OSBPL8: variants seen among roughly 807,000 people sequenced by gnomAD.
The protein encoded by OSBPL8 is oxysterol binding protein like 8.
A neutral mutation model predicts 125.5 loss-of-function variants in OSBPL8; 59 were observed. The ratio of observed to expected loss-of-function variants is 0.47; its 90% confidence interval spans 0.38 to 0.58. OSBPL8 has a LOEUF of 0.58. OSBPL8 is among the 20% of genes least tolerant of loss of function. OSBPL8 has a pLI of 0.00. For synonymous variants in OSBPL8, 330 were observed against 338.9 expected, an observed-to-expected ratio of 0.97 and a Z score of 0.29; for missense variants, 758 against 1,047.8, an observed-to-expected ratio of 0.72 and a Z score of 3.82.
At chr12:76,405,237 T>C (rs554825129) in intron 5 of OSBPL8, among the ~76,000 whole-genome samples, 8 of 152,182 alleles carry the variant, frequency 5.3e-5, no homozygotes, top group South Asian at 2.1e-4. Context: ...GGCGGGAGGA[T>C]TGCTTGAGCC....
intron 4 of OSBPL8, among the ~76,000 whole-genome samples, chr12:76,428,695 A>T (rs1445278136): frequency 6.6e-6 from 1 of 152,142 alleles, no homozygotes; most frequent in Admixed American, 6.6e-5. Flanking sequence ...GTCCAGACAC[A>T]TAGAGAACCA....
At chr12:76,394,442 G>C (rs114525161) in intron 9 of OSBPL8, among the ~76,000 whole-genome samples, 13 of 152,280 alleles carry the variant, frequency 8.5e-5, no homozygotes, top group African/African-American at 3.1e-4. Context: ...TAACTCTTCA[G>C]TAAATCACAC....
At chr12:76,410,541 T>C (rs375056893) in intron 5 of OSBPL8, 23 bp downstream of exon 5, 2 of 1,499,970 alleles carry the variant, frequency 1.3e-6, no homozygotes, top group African/African-American at 1.4e-5. Context: ...GTCATAATCA[T>C]GTATTTGCTT....
chr12:76,360,728 T>G (rs1454522730), intron 21 of OSBPL8, among the ~76,000 whole-genome samples: 1 of 152,236 alleles, frequency 6.6e-6, no homozygotes, highest in Non-Finnish European at 1.5e-5. Flanking sequence ...TCTTGACTTC[T>G]GTGCACCACA....
chr12:76,508,803 G>A (rs1419896906), intron 1 of OSBPL8, among the ~76,000 whole-genome samples: 1 of 152,096 alleles, frequency 6.6e-6, no homozygotes, highest in Non-Finnish European at 1.5e-5. Context: ...ACCCTATATG[G>A]TCCAAAAAGG....
chr12:76,534,918 T>C (rs772625759), intron 1 of OSBPL8, among the ~76,000 whole-genome samples: 5 of 152,002 alleles, frequency 3.3e-5, no homozygotes, highest in African/African-American at 4.8e-5. Flanking sequence ...ATACTTTCAG[T>C]AAAAACTGGA....
At chr12:76,517,649 A>G (rs937523815) in intron 1 of OSBPL8, among the ~76,000 whole-genome samples, 2 of 152,216 alleles carry the variant, frequency 1.3e-5, no homozygotes, top group African/African-American at 4.8e-5. Context: ...GGTAATTTAT[A>G]AAGAAAAAAG....
At chr12:76,400,532 G>A (rs1009308598) in intron 6 of OSBPL8, among the ~76,000 whole-genome samples, 4 of 152,096 alleles carry the variant, frequency 2.6e-5, no homozygotes, top group Middle Eastern at 3.2e-3. Context: ...GGATTGCTAG[G>A]TCGAATGGTA....
chr12:76,557,969 G>T (rs1463060189), intron 1 of OSBPL8, among the ~76,000 whole-genome samples: 1 of 152,174 alleles, frequency 6.6e-6, no homozygotes, highest in Non-Finnish European at 1.5e-5. Flanking sequence ...CTAAGCACCT[G>T]TGTACACGGT....
chr12:76,496,442 C>T (rs1879280473), intron 1 of OSBPL8, among the ~76,000 whole-genome samples: 1 of 151,498 alleles, frequency 6.6e-6, no homozygotes, highest in African/African-American at 2.4e-5. Context: ...ACAATCACAG[C>T]TCACTACAAC....
At position 76,487,565 on chromosome 12, in the gene OSBPL8, A is replaced by G. The variant is rs781146283; in HGVS notation, c.-14T>C. Reference sequence around the variant, plus strand: ...ACCTCCCTCCATAATGAAAGAAGATAGGTTTATGCTTCTCTTTCCATTAAT... The same window carrying G: ...ACCTCCCTCCATAATGAAAGAAGATGGGTTTATGCTTCTCTTTCCATTAAT... On this transcript the variant is annotated 5_prime_UTR_variant, in exon 2 of 24. Coordinates refer to ENST00000261183, the MANE Select transcript of OSBPL8 (RefSeq NM_020841.5). 2 of 1,590,514 alleles carry G rather than the reference A, an allele frequency of 1.3e-6. No individual in the cohort carries two copies. Among genetic ancestry groups the G allele is most frequent in the South Asian group, 1.2e-5 (1 of 86,640 alleles).
At chr12:76,427,329 A>G (rs1289469001) in intron 4 of OSBPL8, among the ~76,000 whole-genome samples, 1 of 152,064 alleles carries the variant, frequency 6.6e-6, no homozygotes, top group Non-Finnish European at 1.5e-5. Context: ...GAAATTATAT[A>G]TGTATACTCG....
chr12:76,424,046 G>A (rs1869840538), intron 4 of OSBPL8, among the ~76,000 whole-genome samples: 1 of 151,956 alleles, frequency 6.6e-6, no homozygotes, highest in African/African-American at 2.4e-5. Flanking sequence ...TGTCGCCCAG[G>A]CTAGAGTGCA....
At chr12:76,541,067 C>T (rs906734277) in intron 1 of OSBPL8, among the ~76,000 whole-genome samples, 5 of 152,184 alleles carry the variant, frequency 3.3e-5, no homozygotes, top group Non-Finnish European at 5.9e-5. Context: ...ATCCCTAGTG[C>T]CCCAGCTTCT....
chr12:76,512,090 C>T (rs1881056243), intron 1 of OSBPL8, among the ~76,000 whole-genome samples: 1 of 152,286 alleles, frequency 6.6e-6, no homozygotes, highest in South Asian at 2.1e-4. Context: ...GCTCAGTACC[C>T]AATAGTTATC....
At chr12:76,476,949 G>C (rs949506950) in intron 2 of OSBPL8, among the ~76,000 whole-genome samples, 2 of 152,120 alleles carry the variant, frequency 1.3e-5, no homozygotes, top group Non-Finnish European at 2.9e-5. Flanking sequence ...ATGACCAAAT[G>C]AGAAAAGAAA....
intron 4 of OSBPL8, among the ~76,000 whole-genome samples, chr12:76,442,725 T>C (rs1370599589): frequency 1.3e-5 from 2 of 152,204 alleles, no homozygotes. Context: ...ATGTTCATAA[T>C]TGATACTAGA....
At chr12:76,460,791 C>CA (rs1874628650) in intron 2 of OSBPL8, among the ~76,000 whole-genome samples, 1 of 152,114 alleles carries the variant, frequency 6.6e-6, no homozygotes, top group South Asian at 2.1e-4. Flanking sequence ...TTTTAAATAC[C>CA]AAATGCAGTA....
At chr12:76,510,511 T>A (rs564911233) in intron 1 of OSBPL8, among the ~76,000 whole-genome samples, 1 of 152,198 alleles carries the variant, frequency 6.6e-6, no homozygotes, top group African/African-American at 2.4e-5. Flanking sequence ...AAATTTACAG[T>A]TTATAGACCT....
Sources: gnomAD v4.1 joint callset for allele counts (sites outside exome capture counted in the v4.1 genomes callset) on GRCh38, gnomAD v4.1.1 for gene constraint, MANE v1.5 for transcripts, NCBI Gene and HGNC (gene_info 2026-07-23, HGNC 2026-07-21) for gene names.